COMMD10: variants seen among roughly 807,000 people sequenced by gnomAD.
The protein encoded by COMMD10 is COMM domain-containing protein 10.
Under a neutral mutation model 28.9 loss-of-function variants are expected in COMMD10, and 33 were observed. The observed-to-expected ratio is 1.14, with a 90% confidence interval of 0.87 to 1.53. The LOEUF is 1.53. Among genes scored for constraint, COMMD10 ranks in the 40% most tolerant of loss-of-function variants. The pLI, the probability that COMMD10 is intolerant of heterozygous loss-of-function variation, is 0.00. For missense variants in COMMD10, 310 were observed against 233.4 expected (o/e 1.33, Z -2.14); for synonymous variants, 110 against 81.7 (o/e 1.35, Z -1.87).
intron 4 of COMMD10, among the ~76,000 whole-genome samples, chr5:116,107,641 G>T (rs11738775): frequency 0.51 from 76,895 of 151,836 alleles, 21,980 homozygotes; most frequent in Non-Finnish European, 0.65. Context: ...CTTTAGCTTG[G>T]AGGAGTTTGT....
chr5:116,124,275 T>G (rs1314496253), intron 4 of COMMD10, among the ~76,000 whole-genome samples: 3 of 152,242 alleles, frequency 2.0e-5, no homozygotes, highest in Non-Finnish European at 4.4e-5. Flanking sequence ...TGTGTCTTTG[T>G]TCTTATTGGA....
At chr5:116,088,632 T>C (rs1750200396) in intron 2 of COMMD10, among the ~76,000 whole-genome samples, 1 of 152,206 alleles carries the variant, frequency 6.6e-6, no homozygotes, top group Non-Finnish European at 1.5e-5. Flanking sequence ...GGTACCCATT[T>C]ACTACAACTT....
chr5:116,186,203 C>T lies in COMMD10; in HGVS notation c.510+52025C>T, dbSNP rs564177115. On this transcript the variant is annotated intron_variant, in intron 5 of 6. Coordinates refer to ENST00000274458, the MANE Select transcript of COMMD10 (RefSeq NM_016144.4). ...TCAGCTGCAACTCTGTTTCTCACCC[C>T]GCAGTCAAACTTTTTAAACAAATTG... Among the ~76,000 whole-genome samples, 17 of 152,234 alleles carry T rather than the reference C, an allele frequency of 1.1e-4. No homozygotes were observed. The South Asian group carries it at 1.2e-3, about 11-fold the overall frequency.
intron 5 of COMMD10, among the ~76,000 whole-genome samples, chr5:116,256,118 C>G (rs752569919): frequency 8.6e-5 from 13 of 151,626 alleles, no homozygotes; most frequent in Non-Finnish European, 1.6e-4. Context: ...GGTGATAAGT[C>G]TGTAATATTT....
At chr5:116,115,736 T>C (rs1235111270) in intron 4 of COMMD10, among the ~76,000 whole-genome samples, 1 of 152,190 alleles carries the variant, frequency 6.6e-6, no homozygotes, top group Non-Finnish European at 1.5e-5. Context: ...ATGTAAAAAC[T>C]GACATGTCAA....
chr5:116,265,801 T>C (rs1384161600), intron 5 of COMMD10, among the ~76,000 whole-genome samples: 1 of 151,766 alleles, frequency 6.6e-6, no homozygotes, highest in East Asian at 1.9e-4. Flanking sequence ...AGCCAGTGAT[T>C]TGAGAAGACT....
At chr5:116,141,593 G>C (rs973619075) in intron 5 of COMMD10, among the ~76,000 whole-genome samples, 12 of 151,544 alleles carry the variant, frequency 7.9e-5, no homozygotes, top group African/African-American at 2.7e-4. Flanking sequence ...TTTAATCAGT[G>C]TGTTATAGTT....
chr5:116,177,431 C>T (rs1260315782), intron 5 of COMMD10, among the ~76,000 whole-genome samples: 1 of 151,984 alleles, frequency 6.6e-6, no homozygotes, highest in African/African-American at 2.4e-5. Flanking sequence ...CCTAATTTAT[C>T]TTCCTGCCTT....
chr5:116,170,172 C>G (rs752872075), intron 5 of COMMD10, among the ~76,000 whole-genome samples: 1 of 152,128 alleles, frequency 6.6e-6, no homozygotes, highest in African/African-American at 2.4e-5. Context: ...GCACAAATCA[C>G]AAGCATTCCT....
At chr5:116,176,844 A>G (rs1396486) in intron 5 of COMMD10, among the ~76,000 whole-genome samples, 47,141 of 152,062 alleles carry the variant, frequency 0.31, 10,224 homozygotes, top group African/African-American at 0.62. Flanking sequence ...TTAGAAAGCT[A>G]TGATACGTGA....
intron 5 of COMMD10, among the ~76,000 whole-genome samples, chr5:116,254,779 T>A (rs1409722160): frequency 6.6e-6 from 1 of 151,656 alleles, no homozygotes; most frequent in African/African-American, 2.4e-5. Flanking sequence ...ATTCTGTTGA[T>A]TTGGGGTGGA....
chr5:116,268,747 C>T (rs1200369899), intron 5 of COMMD10, among the ~76,000 whole-genome samples: 1 of 151,870 alleles, frequency 6.6e-6, no homozygotes, highest in Non-Finnish European at 1.5e-5. Context: ...CACACATGCA[C>T]CATGGAATAC....
At chr5:116,165,101 G>C (rs1419684356) in intron 5 of COMMD10, among the ~76,000 whole-genome samples, 1 of 152,172 alleles carries the variant, frequency 6.6e-6, no homozygotes, top group Non-Finnish European at 1.5e-5. Context: ...TCCTTATGCT[G>C]TTGAGGCCTG....
intron 5 of COMMD10, among the ~76,000 whole-genome samples, chr5:116,140,742 G>A (rs968585112): frequency 1.3e-5 from 2 of 151,512 alleles, no homozygotes; most frequent in Non-Finnish European, 3.0e-5. Context: ...TTTCTATTTA[G>A]GTTCTTTGCC....
chr5:116,182,072 T>C (rs548442722), intron 5 of COMMD10, among the ~76,000 whole-genome samples: 11 of 152,218 alleles, frequency 7.2e-5, no homozygotes, highest in African/African-American at 2.6e-4. Context: ...TTGATACTAT[T>C]AGCAAACTAT....
chr5:116,235,246 ACTTAATT>A (rs1163513256), intron 5 of COMMD10, among the ~76,000 whole-genome samples: 4 of 152,210 alleles, frequency 2.6e-5, no homozygotes, highest in Non-Finnish European at 5.9e-5. Flanking sequence ...GATAATGAAT[ACTTAATT>A]CTTTTTAGGA....
intron 5 of COMMD10, among the ~76,000 whole-genome samples, chr5:116,161,686 T>C (rs1221537066): frequency 6.6e-6 from 1 of 152,080 alleles, no homozygotes; most frequent in African/African-American, 2.4e-5. Context: ...CTTCATAAAG[T>C]GAAAGTAGAA....
chr5:116,227,714 A>G (rs1203709001), intron 5 of COMMD10, among the ~76,000 whole-genome samples: 1 of 151,882 alleles, frequency 6.6e-6, no homozygotes, highest in Non-Finnish European at 1.5e-5. Context: ...TTGATTGGTG[A>G]TGCCGAGCAT....
rs115277039 is a variant in COMMD10 at position 116,096,247 on chromosome 5, T to C, written c.399+3547T>C. On this transcript the variant is annotated intron_variant, in intron 4 of 6. Coordinates refer to ENST00000274458, the MANE Select transcript of COMMD10 (RefSeq NM_016144.4). ...AGTATATCTATTTATTTAGGTCTTC[T>C]TTGATTTCTTTTATCAGTGTCTTTT... 9.9e-3 allele frequency among the ~76,000 whole-genome samples: 1,505 copies of C among 152,124 alleles called. 28 individuals carry two copies. Among genetic ancestry groups the C allele is most frequent in the African/African-American group, 0.035 (1,446 of 41,548 alleles).
Sources: gnomAD v4.1 joint callset for allele counts (sites outside exome capture counted in the v4.1 genomes callset) on GRCh38, gnomAD v4.1.1 for gene constraint, MANE v1.5 for transcripts, NCBI Gene and HGNC (gene_info 2026-07-23, HGNC 2026-07-21) for gene names.